NCKAP5: variants seen among roughly 807,000 people sequenced by gnomAD.
NCKAP5 encodes the protein NCK associated protein 5.
A neutral mutation model predicts 167.0 loss-of-function variants in NCKAP5; 92 were observed. The ratio of observed to expected loss-of-function variants is 0.55; its 90% CI spans 0.47 to 0.66. The LOEUF is 0.66. Among genes scored for constraint, NCKAP5 ranks in the 30% least tolerant of loss-of-function variants. The pLI is 0.00. For synonymous variants in NCKAP5, 891 were observed against 877.4 expected, an observed-to-expected ratio of 1.02 and a Z score of -0.27; for missense variants, 2,378 against 2,315.0, an observed-to-expected ratio of 1.03 and a Z score of -0.56.
intron 5 of NCKAP5, among the ~76,000 whole-genome samples, chr2:133,190,433 T>C (rs7576835): frequency 0.34 from 51,500 of 151,958 alleles, 9,583 homozygotes; most frequent in East Asian, 0.66. Flanking sequence ...AAAGTTCATA[T>C]GGAACCAAAA....
intron 7 of NCKAP5, among the ~76,000 whole-genome samples, chr2:132,981,155 G>A (rs1368283110): frequency 2.0e-5 from 3 of 152,230 alleles, no homozygotes; most frequent in Non-Finnish European, 4.4e-5. Flanking sequence ...GGGAACTTGA[G>A]AGCTGTTTGT....
the NCKAP5 span, among the ~76,000 whole-genome samples, chr2:133,602,809 G>A: frequency 5.9e-5 from 9 of 152,216 alleles, no homozygotes; most frequent in African/African-American, 1.7e-4. Context: ...CCAGTCTTGC[G>A]AAGGACGGAA....
At chr2:132,780,979 G>T in intron 15 of NCKAP5, 73 bp downstream of exon 15, 1 of 1,449,038 alleles carries the variant, frequency 6.9e-7, no homozygotes, top group Non-Finnish European at 9.3e-7. Flanking sequence ...ATTTTCATTA[G>T]CAAACGGTAG....
At chr2:133,143,658 G>A (rs964139069) in intron 5 of NCKAP5, among the ~76,000 whole-genome samples, 1 of 151,860 alleles carries the variant, frequency 6.6e-6, no homozygotes, top group Admixed American at 6.6e-5. Context: ...TAAAGTGAAG[G>A]AAAATAAGAG....
At chr2:133,141,687 T>A (rs2083002667) in intron 5 of NCKAP5, among the ~76,000 whole-genome samples, 1 of 152,176 alleles carries the variant, frequency 6.6e-6, no homozygotes, top group Non-Finnish European at 1.5e-5. Context: ...GAGAACATAC[T>A]AGGAATGCCT....
In NCKAP5 at chr2:133,130,083, T is replaced by G; in HGVS notation, c.236A>C (p.Glu79Ala). The G allele has an allele frequency of 6.2e-7, 1 of 1,611,432 alleles. No individual in the cohort carries two copies. Among genetic ancestry groups the G allele is most frequent in the African/African-American group, 1.3e-5 (1 of 74,950 alleles). ...MHEKLIHELEEERHLRLQSEK... is the reference protein window; with the variant it reads ...MHEKLIHELEAERHLRLQSEK... ...GCTTTGAAGACGTAAGTGTCTCTCCTCTTCCAGTTCATGTATCAGCTTCTC... is the reference window on the plus strand; with the variant it reads ...GCTTTGAAGACGTAAGTGTCTCTCCGCTTCCAGTTCATGTATCAGCTTCTC... Residue 79 changes from glutamate (E) to alanine (A), a missense_variant, in exon 6 of 20, where the codon GAG (glutamate) becomes GCG (alanine). Physicochemically the swap from Glu to Ala is moderately radical, Grantham distance 107. Coordinates refer to ENST00000409261, the MANE Select transcript of NCKAP5 (RefSeq NM_207363.3).
chr2:133,050,769 GACTA>G (rs915081709), intron 6 of NCKAP5, among the ~76,000 whole-genome samples: 10 of 152,088 alleles, frequency 6.6e-5, no homozygotes, highest in African/African-American at 2.2e-4. Context: ...GTAAAATGTT[GACTA>G]ACTATTTGAG....
At chr2:133,059,965 T>G (rs1316315005) in intron 6 of NCKAP5, among the ~76,000 whole-genome samples, 8 of 151,448 alleles carry the variant, frequency 5.3e-5, no homozygotes, top group Non-Finnish European at 1.2e-4. Flanking sequence ...AAAGAGAAAG[T>G]TCCCTCACCA....
chr2:133,126,380 A>G (rs1301803178), intron 6 of NCKAP5, among the ~76,000 whole-genome samples: 2 of 152,224 alleles, frequency 1.3e-5, no homozygotes, highest in Non-Finnish European at 2.9e-5. Flanking sequence ...AGAAAAGCAC[A>G]TGTATATATC....
intron 3 of NCKAP5, among the ~76,000 whole-genome samples, chr2:133,314,364 C>T (rs956066740): frequency 1.3e-5 from 2 of 152,236 alleles, no homozygotes; most frequent in Admixed American, 1.3e-4. Context: ...ATCTGAGTCA[C>T]CTGGTGGGCT....
intron 6 of NCKAP5, among the ~76,000 whole-genome samples, chr2:133,026,832 T>G (rs970472443): frequency 6.6e-6 from 1 of 152,220 alleles, no homozygotes; most frequent in African/African-American, 2.4e-5. Flanking sequence ...CTCATTGAGA[T>G]ACACTTCTCG....
intron 6 of NCKAP5, among the ~76,000 whole-genome samples, chr2:133,126,250 A>G (rs1179227161): frequency 1.3e-5 from 2 of 152,212 alleles, no homozygotes. Flanking sequence ...TGGGAATCCC[A>G]TAACTACTGT....
rs1683916612 is a variant in NCKAP5 at position 132,672,855 on chromosome 2, G to T, written c.*434C>A. On this transcript the variant is annotated 3_prime_UTR_variant, in exon 20 of 20. Transcript: ENST00000409261. ...ACAATAAATGGAGTCTATCTTTATT[G>T]CCCTGTCAGAGAAATAAGCTCTGGT... 7 of 491,444 alleles carry T rather than the reference G, an allele frequency of 1.4e-5. No individual in the cohort carries two copies. The highest frequency in any genetic ancestry group is 6.3e-5 in the Admixed American group (1 of 15,796). The allele number at this position is 491,444 out of a possible 1,614,324, so 30.4% of individuals were successfully genotyped here.
chr2:133,651,209 T>G, the NCKAP5 span, among the ~76,000 whole-genome samples: 1 of 152,122 alleles, frequency 6.6e-6, no homozygotes, highest in Non-Finnish European at 1.5e-5. Context: ...GAGTGAAAGG[T>G]AACCTGTATA....
intron 16 of NCKAP5, among the ~76,000 whole-genome samples, chr2:132,750,841 G>A (rs1339568293): frequency 1.3e-5 from 2 of 152,172 alleles, no homozygotes; most frequent in Non-Finnish European, 2.9e-5. Context: ...GGACACTTAG[G>A]GAGCCCAAGC....
Position 133,564,192 on chromosome 2 carries a change from C to G in NCKAP5, c.-130+4024G>C, listed in dbSNP as rs935775464. ...ATCCTGCCTCTGCCTCTTATCCACC[C>G]ATGTGACTTGTGCACATTACTTAAC... On this transcript the variant is annotated intron_variant, in intron 1 of 19. Transcript: ENST00000409261. Among the ~76,000 whole-genome samples, 91 of 152,150 alleles carry G rather than the reference C, an allele frequency of 6.0e-4. 1 individual carries two copies. The highest frequency in any genetic ancestry group is 2.0e-3 in the African/African-American group (85 of 41,526).
At chr2:133,290,582 T>C (rs187435212) in intron 4 of NCKAP5, among the ~76,000 whole-genome samples, 145 of 152,332 alleles carry the variant, frequency 9.5e-4, no homozygotes, top group African/African-American at 3.1e-3. Flanking sequence ...TAATAGTATC[T>C]TGAAATTGTG....
chr2:133,473,862 A>G (rs1220567285), intron 3 of NCKAP5, among the ~76,000 whole-genome samples: 2 of 152,194 alleles, frequency 1.3e-5, no homozygotes, highest in Non-Finnish European at 2.9e-5. Context: ...TCAAACATGT[A>G]TCTAGAGCAG....
At chr2:133,666,992 G>A in the NCKAP5 span, among the ~76,000 whole-genome samples, 1 of 152,048 alleles carries the variant, frequency 6.6e-6, no homozygotes, top group Non-Finnish European at 1.5e-5. Context: ...AACTGAAATG[G>A]AGAGGCATGC....
Sources: allele counts gnomAD v4.1 joint callset (sites outside exome capture counted in the v4.1 genomes callset), GRCh38; gene constraint gnomAD v4.1.1; transcripts MANE v1.5; gene names NCBI Gene and HGNC (gene_info 2026-07-23, HGNC 2026-07-21).